Variants in TSPAN15 observed in about 807,000 individuals in gnomAD.
TSPAN15 encodes the protein tetraspanin-15.
TSPAN15 carries 20 observed loss-of-function variants against 34.5 expected under a neutral mutation model. The observed-to-expected ratio is 0.58, with a 90% CI of 0.41 to 0.84. The LOEUF is 0.84. Among genes scored for constraint, TSPAN15 ranks in the 40% least tolerant of loss-of-function variants. The probability of loss-of-function intolerance (pLI) is 0.00; values close to 1 mark genes in which losing one functional copy is unlikely to be tolerated. For missense variants in TSPAN15, 313 were observed against 386.1 expected (o/e 0.81, Z 1.59); for synonymous variants, 155 against 153.9 (o/e 1.01, Z -0.05).
the TSPAN15 span, among the ~76,000 whole-genome samples, chr10:69,543,844 AGTGTGTGTGTGTGTGTGTGT>A: frequency 1.4e-3 from 100 of 73,806 alleles, no homozygotes; most frequent in African/African-American, 3.8e-3. Flanking sequence ...GAAGAAGGGG[AGTGTGTGTGTGTGTGTGTGT>A]GTGTGTGTGT....
At chr10:69,528,363 C>A in the TSPAN15 span, among the ~76,000 whole-genome samples, 2 of 148,602 alleles carry the variant, frequency 1.3e-5, no homozygotes, top group Non-Finnish European at 3.0e-5. Context: ...GTCTGGGCTC[C>A]CTAAAGGGCA....
At position 69,452,485 on chromosome 10, in the gene TSPAN15, C is replaced by T. The variant is rs545187294; in HGVS notation, c.96+795C>T. ...GGGGAAGTTACTTCATTCCTCTCGGCCATGGTTTCCTCATCTGTAAATGGA... is the reference window on the plus strand; with the variant it reads ...GGGGAAGTTACTTCATTCCTCTCGGTCATGGTTTCCTCATCTGTAAATGGA... On this transcript the variant is annotated intron_variant, in intron 1 of 7. Coordinates refer to ENST00000373290, the MANE Select transcript of TSPAN15 (RefSeq NM_012339.5). Among the ~76,000 whole-genome samples the T allele has an allele frequency of 2.6e-4, 40 of 152,304 alleles. No homozygotes were observed. In the South Asian group the frequency reaches 7.9e-3, roughly 30 times the overall value.
intron 1 of TSPAN15, among the ~76,000 whole-genome samples, chr10:69,470,718 C>T (rs1281266030): frequency 6.6e-6 from 1 of 152,182 alleles, no homozygotes; most frequent in Non-Finnish European, 1.5e-5. Context: ...AAGACCCCAT[C>T]TCAATTATTT....
chr10:69,508,444 A>C (rs1007730721), downstream of TSPAN15, among the ~76,000 whole-genome samples: 2 of 52,526 alleles, frequency 3.8e-5, no homozygotes, highest in East Asian at 5.8e-4. Flanking sequence ...CCATCTCAAA[A>C]AAAAAAAAAA....
the TSPAN15 span, among the ~76,000 whole-genome samples, chr10:69,516,577 C>T: frequency 6.6e-6 from 1 of 152,130 alleles, no homozygotes; most frequent in Non-Finnish European, 1.5e-5. Context: ...TCTTCATCTG[C>T]AAAAGCAAGA....
intron 5 of TSPAN15, among the ~76,000 whole-genome samples, chr10:69,499,516 G>A (rs1348441064): frequency 1.3e-5 from 2 of 152,344 alleles, no homozygotes; most frequent in Non-Finnish European, 2.9e-5. Context: ...AAGCTGAGAT[G>A]TGGAAGCCAA....
chr10:69,513,070 G>T, the TSPAN15 span, among the ~76,000 whole-genome samples: 1 of 152,100 alleles, frequency 6.6e-6, no homozygotes, highest in Admixed American at 6.6e-5. Flanking sequence ...TGAGAGTTCT[G>T]GTTTCCCTAC....
chr10:69,489,043 G>A (rs1841914098), intron 3 of TSPAN15, among the ~76,000 whole-genome samples: 1 of 152,176 alleles, frequency 6.6e-6, no homozygotes, highest in African/African-American at 2.4e-5. Flanking sequence ...AGACCAGGGT[G>A]TATTTCAGTC....
At chr10:69,518,640 T>G in the TSPAN15 span, among the ~76,000 whole-genome samples, 1 of 152,188 alleles carries the variant, frequency 6.6e-6, no homozygotes, top group Non-Finnish European at 1.5e-5. Context: ...GCCAGGCTGG[T>G]CTCGAACTCC....
intron 1 of TSPAN15, among the ~76,000 whole-genome samples, chr10:69,452,568 G>A (rs1327812569): frequency 6.6e-6 from 1 of 152,138 alleles, no homozygotes; most frequent in Non-Finnish European, 1.5e-5. Flanking sequence ...AATAGGCCGG[G>A]TATGGTGCCT....
the TSPAN15 span, among the ~76,000 whole-genome samples, chr10:69,539,466 G>A: frequency 1.8e-5 from 1 of 54,596 alleles, no homozygotes; most frequent in Non-Finnish European, 3.4e-5. Context: ...AGAAGAAGGA[G>A]AAGGAGAAGG....
At chr10:69,530,889 A>G in the TSPAN15 span, among the ~76,000 whole-genome samples, 2 of 133,578 alleles carry the variant, frequency 1.5e-5, no homozygotes, top group Non-Finnish European at 3.2e-5. Context: ...ACAGTTTAAA[A>G]GTAGGAAATC....
At chr10:69,486,895 T>G (rs1841866084) in intron 3 of TSPAN15, among the ~76,000 whole-genome samples, 1 of 152,224 alleles carries the variant, frequency 6.6e-6, no homozygotes, top group Non-Finnish European at 1.5e-5. Context: ...TTCTCCCTTT[T>G]CCTCTTTTCT....
chr10:69,494,097 C>T (rs868592218), intron 3 of TSPAN15, among the ~76,000 whole-genome samples: 17 of 152,312 alleles, frequency 1.1e-4, no homozygotes, highest in Middle Eastern at 6.8e-3. Flanking sequence ...CTGGTCCCAG[C>T]GTCTCTCTGC....
chr10:69,509,311 A>G (rs943452676), downstream of TSPAN15, among the ~76,000 whole-genome samples: 1 of 152,024 alleles, frequency 6.6e-6, no homozygotes, highest in African/African-American at 2.4e-5. Context: ...TCCAGCAGAC[A>G]CTCATCTCCT....
intron 1 of TSPAN15, among the ~76,000 whole-genome samples, chr10:69,458,423 C>T (rs1841163528): frequency 6.6e-6 from 1 of 152,248 alleles, no homozygotes; most frequent in African/African-American, 2.4e-5. Flanking sequence ...AAACATCCAT[C>T]TGGACATCTT....
At chr10:69,494,870 GC>G (rs1281567706) in intron 3 of TSPAN15, 8 of 985,382 alleles carry the variant, frequency 8.1e-6, no homozygotes, top group Non-Finnish European at 9.6e-6. Flanking sequence ...CCACTGTGGG[GC>G]CCTTTGTGCT....
the TSPAN15 span, among the ~76,000 whole-genome samples, chr10:69,514,021 A>G: frequency 6.6e-6 from 1 of 152,234 alleles, no homozygotes; most frequent in Admixed American, 6.5e-5. Context: ...ATTAAGTATA[A>G]TGTTAGATGT....
At chr10:69,509,285 C>G (rs1474800708), downstream of TSPAN15, among the ~76,000 whole-genome samples, 1 of 152,174 alleles carries the variant, frequency 6.6e-6, no homozygotes, top group Non-Finnish European at 1.5e-5. Context: ...AGCGCTGGTG[C>G]CACAGATGGC....
Sources: allele counts gnomAD v4.1 joint callset (sites outside exome capture counted in the v4.1 genomes callset), GRCh38; gene constraint gnomAD v4.1.1; transcripts MANE v1.5; gene names NCBI Gene and HGNC (gene_info 2026-07-23, HGNC 2026-07-21).